The following EYA4 variants were observed in gnomAD, a reference collection of about 807,000 sequenced individuals.
EYA4 encodes protein phosphatase EYA4.
Under a neutral mutation model 87.9 loss-of-function variants are expected in EYA4, and 31 were observed. The observed-to-expected ratio is 0.35, with a 90% confidence interval of 0.27 to 0.48. The LOEUF is 0.48. Among genes scored for constraint, EYA4 ranks in the 20% least tolerant of loss-of-function variants. EYA4 has a pLI of 0.99. For missense variants in EYA4, 678 were observed against 761.4 expected (o/e 0.89, Z 1.29); for synonymous variants, 263 against 270.6 (o/e 0.97, Z 0.28).
chr6:133,518,509 A>G (rs1342048253), intron 17 of EYA4, among the ~76,000 whole-genome samples: 1 of 152,190 alleles, frequency 6.6e-6, no homozygotes, highest in East Asian at 1.9e-4. Flanking sequence ...GGAATGTCAG[A>G]AAAACAGATG....
chr6:133,250,509 G>A (rs1774807117), intron 1 of EYA4, among the ~76,000 whole-genome samples: 1 of 152,056 alleles, frequency 6.6e-6, no homozygotes, highest in Non-Finnish European at 1.5e-5. Flanking sequence ...GGGCGTGGTG[G>A]TGGGCGCCTG....
intron 2 of EYA4, among the ~76,000 whole-genome samples, chr6:133,329,818 A>G (rs555615100): frequency 3.3e-5 from 5 of 152,242 alleles, no homozygotes; most frequent in African/African-American, 1.2e-4. Flanking sequence ...TACAAATCAC[A>G]TAAGAACTAA....
intron 14 of EYA4, among the ~76,000 whole-genome samples, chr6:133,511,001 A>T (rs1045633058): frequency 6.6e-6 from 1 of 152,202 alleles, no homozygotes; most frequent in Non-Finnish European, 1.5e-5. Flanking sequence ...TTGGGGACCC[A>T]TACGTGTAGG....
Position 133,530,734 on chromosome 6 carries a change from T to C in EYA4, c.*1929T>C. ...ATCCCAATTTTGTACAAGATTGTGA[T>C]TTCATTATCTAAACCTTAAACTTAA... On this transcript the variant is annotated 3_prime_UTR_variant, in exon 20 of 20. Coordinates refer to ENST00000355286, the MANE Select transcript of EYA4 (RefSeq NM_004100.5). 1.0e-6 allele frequency: 1 copy of C among 985,870 alleles called. No individual in the cohort carries two copies. The highest frequency in any genetic ancestry group is 1.2e-6 in the Non-Finnish European group (1 of 829,820). The allele number at this position is 985,870 out of a possible 1,614,324, so 61.1% of individuals were successfully genotyped here. A position where few individuals can be genotyped will look rare whatever the true frequency, so the allele number is the denominator to read the frequency against.
intron 6 of EYA4, among the ~76,000 whole-genome samples, chr6:133,460,416 T>C (rs533800644): frequency 6.6e-6 from 1 of 152,288 alleles, no homozygotes; most frequent in African/African-American, 2.4e-5. Context: ...CATGTTTGGA[T>C]GAACTGTTAA....
chr6:133,301,387 C>T (rs1182377763), intron 2 of EYA4, among the ~76,000 whole-genome samples: 1 of 152,124 alleles, frequency 6.6e-6, no homozygotes, highest in Non-Finnish European at 1.5e-5. Flanking sequence ...TTCTGAATTT[C>T]CAGGTTTTTC....
chr6:133,377,974 TCA>T (rs5880179), intron 2 of EYA4, among the ~76,000 whole-genome samples: 107,822 of 150,618 alleles, frequency 0.72, 39,843 homozygotes, highest in Middle Eastern at 0.84. Flanking sequence ...TATATTATGT[TCA>T]CACACACACA....
intron 3 of EYA4, among the ~76,000 whole-genome samples, chr6:133,431,509 A>G (rs970389638): frequency 1.3e-5 from 2 of 152,230 alleles, no homozygotes; most frequent in African/African-American, 2.4e-5. Context: ...TTAGCAAAGT[A>G]ACTATTCATA....
chr6:133,246,176 G>A (rs1430190347), intron 1 of EYA4, among the ~76,000 whole-genome samples: 1 of 152,128 alleles, frequency 6.6e-6, no homozygotes, highest in African/African-American at 2.4e-5. Flanking sequence ...ATTGATCTTA[G>A]GGTACTGACA....
chr6:133,524,269 C>T (rs905837943), intron 18 of EYA4, among the ~76,000 whole-genome samples: 92 of 152,038 alleles, frequency 6.1e-4, no homozygotes, highest in African/African-American at 2.0e-3. Context: ...TTTCTGTTGG[C>T]GAAATAGTTC....
intron 2 of EYA4, among the ~76,000 whole-genome samples, chr6:133,339,193 G>T (rs1782603856): frequency 6.6e-6 from 1 of 152,152 alleles, no homozygotes; most frequent in Non-Finnish European, 1.5e-5. Flanking sequence ...GTTGGGAAAA[G>T]GAACTGAAGC....
intron 2 of EYA4, among the ~76,000 whole-genome samples, chr6:133,365,516 C>T (rs1583071470): frequency 6.6e-6 from 1 of 151,984 alleles, no homozygotes; most frequent in African/African-American, 2.4e-5. Context: ...GGGGCACTTA[C>T]ATTAAATGTA....
At chr6:133,340,516 A>G (rs149485499) in intron 2 of EYA4, among the ~76,000 whole-genome samples, 214 of 152,326 alleles carry the variant, frequency 1.4e-3, no homozygotes, top group African/African-American at 4.7e-3. Context: ...GGTGAGCCCC[A>G]TTGATAAGGT....
chr6:133,281,140 A>G lies in EYA4; in HGVS notation c.33+6327A>G, dbSNP rs867234894. Among the ~76,000 whole-genome samples, 10 of 152,162 alleles carry G rather than the reference A, an allele frequency of 6.6e-5. 1 individual carries two copies. In the Middle Eastern group the frequency reaches 0.014, roughly 207 times the overall value. On this transcript the variant is annotated intron_variant, in intron 2 of 19. Coordinates refer to ENST00000355286, the MANE Select transcript of EYA4 (RefSeq NM_004100.5). ...ATAGAAAGAATATAAATTTGCCCCT[A>G]TGTTATAAGGTTACTTCTTTTTTTA...
chr6:133,528,678 A>G (rs1032807904), intron 19 of EYA4, 47 bp from the exon 20 acceptor site: 15 of 1,258,314 alleles, frequency 1.2e-5, no homozygotes, highest in Non-Finnish European at 1.8e-5. Context: ...TCCATGCCTC[A>G]TTCCTTCCCC....
intron 2 of EYA4, among the ~76,000 whole-genome samples, chr6:133,288,249 AGCATGTG>A (rs1318401196): frequency 6.6e-6 from 1 of 152,236 alleles, no homozygotes; most frequent in East Asian, 1.9e-4. Context: ...TATTTACAAA[AGCATGTG>A]GCAGGTGGTG....
rs1800207515 is a variant in EYA4, at chr6:133,522,028, G to C, written c.1617-1028G>C. 6.5e-5 allele frequency among the ~76,000 whole-genome samples: 9 copies of C among 138,468 alleles called. No homozygotes were observed. In the South Asian group the frequency reaches 2.4e-3, roughly 37 times the overall value. The allele number at this position is 138,468 out of a possible 152,430, so 90.8% of individuals were successfully genotyped here. A position where few individuals can be genotyped will look rare whatever the true frequency, so the allele number is the denominator to read the frequency against. On this transcript the variant is annotated intron_variant, in intron 17 of 19. Transcript: ENST00000355286. Reference sequence around the variant, plus strand: ...ATACCTAATGCTAGATGACGAGTTAGTGGGTGCAGCGCACCAGCATGGCAC... The same window carrying C: ...ATACCTAATGCTAGATGACGAGTTACTGGGTGCAGCGCACCAGCATGGCAC...
chr6:133,281,540 T>C (rs949940721), intron 2 of EYA4, among the ~76,000 whole-genome samples: 1 of 152,222 alleles, frequency 6.6e-6, no homozygotes, highest in Non-Finnish European at 1.5e-5. Flanking sequence ...AATTTTACAG[T>C]TTTCTATAGT....
At chr6:133,412,584 A>G (rs572395074) in intron 3 of EYA4, among the ~76,000 whole-genome samples, 3 of 152,160 alleles carry the variant, frequency 2.0e-5, no homozygotes, top group Non-Finnish European at 4.4e-5. Context: ...GCATTTTGCT[A>G]TGTGAGAGCA....
Sources: gnomAD v4.1 joint callset for allele counts (sites outside exome capture counted in the v4.1 genomes callset) on GRCh38, gnomAD v4.1.1 for gene constraint, MANE v1.5 for transcripts, NCBI Gene and HGNC (gene_info 2026-07-23, HGNC 2026-07-21) for gene names.